The following GSK3B variants were observed in gnomAD, a reference collection of about 807,000 sequenced individuals.
GSK3B encodes the protein glycogen synthase kinase 3 beta.
GSK3B carries 15 observed loss-of-function variants against 56.4 expected under a neutral mutation model. The observed-to-expected ratio is 0.27, with a 90% confidence interval of 0.18 to 0.41. The LOEUF (loss-of-function observed/expected upper bound fraction) is 0.41. Ranked by LOEUF, GSK3B falls within the 10% of genes least tolerant of loss-of-function variation. The probability of loss-of-function intolerance (pLI) is 1.00; values close to 1 mark genes in which losing one functional copy is unlikely to be tolerated. For missense variants in GSK3B, 300 were observed against 513.4 expected, an observed-to-expected ratio of 0.58 and a Z score of 4.02; for synonymous variants, 181 against 188.9, an observed-to-expected ratio of 0.96 and a Z score of 0.34.
Position 120,093,668 on chromosome 3 carries a change from T to C in GSK3B, c.-234A>G, listed in dbSNP as rs1174661242. 7.4e-6 allele frequency: 3 copies of C among 406,314 alleles called. No homozygotes were observed. Among genetic ancestry groups the C allele is most frequent in the Non-Finnish European group, 1.3e-5 (3 of 226,802 alleles). The allele number at this position is 406,314 out of a possible 1,614,324, so 25.2% of individuals were successfully genotyped here. A position where few individuals can be genotyped will look rare whatever the true frequency, so the allele number is the denominator to read the frequency against. On this transcript the variant is annotated 5_prime_UTR_variant, in exon 1 of 11. Transcript: ENST00000264235. ...ACGGATATTTAACATATAGATGATT[T>C]AGGACTTGGGAAAAAATACAATTCT...
At chr3:120,044,032 G>T (rs2058083668) in intron 1 of GSK3B, among the ~76,000 whole-genome samples, 1 of 152,222 alleles carries the variant, frequency 6.6e-6, no homozygotes, top group African/African-American at 2.4e-5. Flanking sequence ...TGTTATGCTT[G>T]TGTGCATGGC....
chr3:119,985,168 G>A (rs780972041), intron 2 of GSK3B, among the ~76,000 whole-genome samples: 3 of 152,024 alleles, frequency 2.0e-5, no homozygotes, highest in Non-Finnish European at 4.4e-5. Flanking sequence ...CTCAATAAAC[G>A]AGGTATTGAT....
chr3:119,850,136 A>G (rs1050839532), intron 9 of GSK3B, among the ~76,000 whole-genome samples: 8 of 152,162 alleles, frequency 5.3e-5, no homozygotes, highest in East Asian at 1.9e-4. Flanking sequence ...GGGTAAGGGG[A>G]AAAAAAGTGA....
chr3:119,917,121 T>C (rs1197270623), intron 4 of GSK3B, among the ~76,000 whole-genome samples: 1 of 152,008 alleles, frequency 6.6e-6, no homozygotes, highest in Non-Finnish European at 1.5e-5. Flanking sequence ...AGATAATAAA[T>C]ATCTTGGTAA....
chr3:120,082,369 C>G (rs2058426900), intron 1 of GSK3B, among the ~76,000 whole-genome samples: 1 of 148,546 alleles, frequency 6.7e-6, no homozygotes, highest in African/African-American at 2.5e-5. Context: ...ATGTGGCTAG[C>G]CCAAATTAGT....
intron 9 of GSK3B, among the ~76,000 whole-genome samples, chr3:119,855,779 T>A (rs1324106323): frequency 6.8e-6 from 1 of 146,860 alleles, no homozygotes; most frequent in Non-Finnish European, 1.5e-5. Context: ...AATTGACCAA[T>A]GAGAACACTT....
intron 1 of GSK3B, among the ~76,000 whole-genome samples, chr3:120,033,998 T>C (rs1380728926): frequency 6.6e-6 from 1 of 152,212 alleles, no homozygotes; most frequent in Non-Finnish European, 1.5e-5. Flanking sequence ...CATGCACTTA[T>C]CAACCATTAT....
intron 7 of GSK3B, among the ~76,000 whole-genome samples, chr3:119,900,923 ATT>A (rs561552097): frequency 6.5e-4 from 99 of 152,218 alleles, no homozygotes; most frequent in Middle Eastern, 3.4e-3. Context: ...ATTTTTGTCT[ATT>A]TGTCTGTGCT....
chr3:120,000,746 A>C (rs1018461689), intron 2 of GSK3B, among the ~76,000 whole-genome samples: 4 of 151,644 alleles, frequency 2.6e-5, no homozygotes, highest in African/African-American at 9.7e-5. Flanking sequence ...AGAAAATGAA[A>C]ATACATGACG....
intron 10 of GSK3B, among the ~76,000 whole-genome samples, chr3:119,840,548 T>C (rs770149332): frequency 1.2e-4 from 18 of 152,132 alleles, no homozygotes; most frequent in Non-Finnish European, 2.2e-4. Context: ...TTTAAGGTCT[T>C]ACAAAAGAAT....
intron 2 of GSK3B, among the ~76,000 whole-genome samples, chr3:119,999,725 C>G (rs2057657392): frequency 6.6e-6 from 1 of 152,116 alleles, no homozygotes. Flanking sequence ...AAGAATTTGA[C>G]CTGAGTTTTC....
chr3:120,037,353 T>C (rs1026262426), intron 1 of GSK3B, among the ~76,000 whole-genome samples: 15 of 152,218 alleles, frequency 9.9e-5, no homozygotes, highest in African/African-American at 3.6e-4. Flanking sequence ...TATCCAATTA[T>C]CCAAATTGCT....
intron 1 of GSK3B, among the ~76,000 whole-genome samples, chr3:120,070,707 T>A (rs993069673): frequency 2.6e-5 from 4 of 152,244 alleles, no homozygotes; most frequent in African/African-American, 9.6e-5. Flanking sequence ...ATAGTCAACT[T>A]ATTATCCTTT....
At chr3:120,037,082 A>C (rs1466687675) in intron 1 of GSK3B, among the ~76,000 whole-genome samples, 1 of 152,232 alleles carries the variant, frequency 6.6e-6, no homozygotes, top group Non-Finnish European at 1.5e-5. Context: ...TTCCTAACAC[A>C]AAGAAAAATG....
At chr3:119,842,426 T>C (rs2055785771) in intron 10 of GSK3B, among the ~76,000 whole-genome samples, 1 of 152,176 alleles carries the variant, frequency 6.6e-6, no homozygotes, top group Admixed American at 6.5e-5. Flanking sequence ...TGATTAAATA[T>C]AAGTATAAAC....
chr3:119,984,580 T>G (rs917884699), intron 2 of GSK3B, among the ~76,000 whole-genome samples: 2 of 152,066 alleles, frequency 1.3e-5, no homozygotes, highest in Non-Finnish European at 2.9e-5. Context: ...GAGAATACTA[T>G]AAACACCTCT....
At chr3:119,942,710 G>A (rs1235471422) in intron 3 of GSK3B, among the ~76,000 whole-genome samples, 2 of 152,232 alleles carry the variant, frequency 1.3e-5, no homozygotes, top group South Asian at 2.1e-4. Flanking sequence ...CTTTTCATAT[G>A]TTCTATCAGA....
intron 1 of GSK3B, among the ~76,000 whole-genome samples, chr3:120,078,913 T>TA (rs2058389116): frequency 3.6e-5 from 3 of 83,384 alleles, no homozygotes; most frequent in South Asian, 4.1e-4. Context: ...TGACAGGAAA[T>TA]TACACACACA....
At chr3:120,048,050 GTATCT>G (rs1368142730) in intron 1 of GSK3B, among the ~76,000 whole-genome samples, 1 of 152,032 alleles carries the variant, frequency 6.6e-6, no homozygotes, top group African/African-American at 2.4e-5. Context: ...TATGAACTAC[GTATCT>G]TCACAGTTCT....
Sources: gnomAD v4.1 joint callset for allele counts (sites outside exome capture counted in the v4.1 genomes callset) on GRCh38, gnomAD v4.1.1 for gene constraint, MANE v1.5 for transcripts, NCBI Gene and HGNC (gene_info 2026-07-23, HGNC 2026-07-21) for gene names.